DGAT2: variants seen among roughly 807,000 people sequenced by gnomAD.
DGAT2 encodes the protein diacylglycerol O-acyltransferase 2, also known as acyl-CoA retinol O-fatty-acyltransferase.
In DGAT2, 33 loss-of-function variants were observed where a neutral mutation model predicts 48.4. The ratio of observed to expected loss-of-function variants is 0.68; its 90% CI spans 0.52 to 0.91. The LOEUF is 0.91. Ranked by LOEUF, DGAT2 falls within the 40% of genes least tolerant of loss-of-function variation. The probability of loss-of-function intolerance (pLI) is 0.00; values close to 1 mark genes in which losing one functional copy is unlikely to be tolerated. For synonymous variants in DGAT2, 191 were observed against 194.1 expected (o/e 0.98, Z 0.13); for missense variants, 446 against 493.7 (o/e 0.90, Z 0.92).
intron 6 of DGAT2, 42 bp downstream of exon 6, chr11:75,797,374 C>G (rs1945069045): frequency 7.2e-7 from 1 of 1,398,186 alleles, no homozygotes; most frequent in Non-Finnish European, 9.3e-7. Flanking sequence ...TCCAGTGCCC[C>G]TCAGCCCAGG....
At chr11:75,797,030 T>C (rs1945063675) in intron 5 of DGAT2, 128 bp from the exon 6 acceptor site, 2 of 918,642 alleles carry the variant, frequency 2.2e-6, no homozygotes, top group Admixed American at 5.6e-5. Context: ...ACCAGACAAC[T>C]CCAAAGGGGC....
chr11:75,797,457 T>G (rs2135781056), intron 6 of DGAT2, 125 bp downstream of exon 6: 1 of 1,165,362 alleles, frequency 8.6e-7, no homozygotes, highest in South Asian at 2.5e-5. Context: ...AGTCATTCTG[T>G]TAGGGAGGGG....
In DGAT2 at chr11:75,769,029, G is replaced by T; in HGVS notation, c.38G>T (p.Arg13Leu). 2 of 1,577,122 alleles carry T rather than the reference G, an allele frequency of 1.3e-6. No individual in the cohort carries two copies. Among genetic ancestry groups the T allele is most frequent in the South Asian group, 2.3e-5 (2 of 87,632 alleles). The change falls in exon 1 of 8, where the codon CGC (arginine) becomes CTC (leucine). Residue 13 changes from arginine to leucine, a missense_variant. Transcript: ENST00000228027. ...TLIAAYSGVLRGERQAEADRS... is the reference protein window; with the variant it reads ...TLIAAYSGVLLGERQAEADRS... ...ATAGCCGCCTACTCCGGGGTCCTGC[G>T]CGGCGAGCGTCAGGCCGAGGCTGAC...
chr11:75,790,065 C>T lies in DGAT2; in HGVS notation c.251-123C>T, dbSNP rs1565317749. Reference sequence around the variant, plus strand: ...GTAGCTATTTCTCAGGGTTTGTGGGCCCCATGCCCATGGCCCTGGGTGTGC... The same window carrying T: ...GTAGCTATTTCTCAGGGTTTGTGGGTCCCATGCCCATGGCCCTGGGTGTGC... On this transcript the variant is annotated intron_variant, in intron 2 of 7. Coordinates refer to ENST00000228027, the MANE Select transcript of DGAT2 (RefSeq NM_032564.5). 1.6e-5 allele frequency: 12 copies of T among 730,266 alleles called. No homozygotes were observed. In the East Asian group the frequency reaches 2.7e-4, roughly 17 times the overall value. The allele number at this position is 730,266 out of a possible 1,614,324, so 45.2% of individuals were successfully genotyped here.
Position 75,797,265 on chromosome 11 carries a change from A to G in DGAT2, c.742A>G (p.Met248Val). 1.3e-6 allele frequency: 2 copies of G among 1,578,556 alleles called. No individual in the cohort carries two copies. The highest frequency in any genetic ancestry group is 1.2e-5 in the South Asian group (1 of 86,304). The part of the protein sequence containing the change: ...VGGAAESLSS[M>V]PGKNAVTLRN... Reference sequence around the variant, plus strand: ...GGGTGCGGCTGAGTCTCTGAGCTCCATGCCTGGCAAGAATGCAGTCACCCT... The same window carrying G: ...GGGTGCGGCTGAGTCTCTGAGCTCCGTGCCTGGCAAGAATGCAGTCACCCT... The change falls in exon 6 of 8, where the codon ATG (methionine) becomes GTG (valine). Residue 248 changes from methionine (M) to valine (V), a missense_variant. Transcript: ENST00000228027.
Position 75,790,260 on chromosome 11 carries a change from C to T in DGAT2, c.323C>T (p.Thr108Ile). 1.9e-6 allele frequency: 3 copies of T among 1,614,210 alleles called. No individual in the cohort carries two copies. The highest frequency in any genetic ancestry group is 3.3e-5 in the Admixed American group (2 of 60,032). ...TGGCTCATCGCTGTGCTCTACTTCA[C>T]TTGGCTGGTGTTTGACTGGAACACA... ...DCWLIAVLYFTWLVFDWNTPK... is the reference protein window; with the variant it reads ...DCWLIAVLYFIWLVFDWNTPK... The change falls in exon 3 of 8, where the codon ACT becomes ATT. Residue 108 changes from threonine to isoleucine, a missense_variant. By Grantham distance (89) the Thr-to-Ile change is moderately conservative (BLOSUM62 -1). Coordinates refer to ENST00000228027, the MANE Select transcript of DGAT2 (RefSeq NM_032564.5).
intron 1 of DGAT2, among the ~76,000 whole-genome samples, chr11:75,782,562 C>T (rs1331155086): frequency 6.6e-6 from 1 of 152,256 alleles, no homozygotes; most frequent in Non-Finnish European, 1.5e-5. Flanking sequence ...TGTCCAGCCC[C>T]AGCCCTTGGA....
chr11:75,780,408 G>A (rs1043344331), intron 1 of DGAT2, among the ~76,000 whole-genome samples: 4 of 152,158 alleles, frequency 2.6e-5, no homozygotes, highest in Non-Finnish European at 5.9e-5. Flanking sequence ...CAAATACCCT[G>A]ACAGGAGTCC....
intron 7 of DGAT2, among the ~76,000 whole-genome samples, chr11:75,800,005 G>A (rs1945094096): frequency 6.6e-6 from 1 of 152,142 alleles, no homozygotes; most frequent in African/African-American, 2.4e-5. Flanking sequence ...TGAGGAAACT[G>A]AGGGTCAGAG....
At chr11:75,785,945 A>G (rs921469657) in intron 2 of DGAT2, among the ~76,000 whole-genome samples, 1 of 152,260 alleles carries the variant, frequency 6.6e-6, no homozygotes, top group Non-Finnish European at 1.5e-5. Flanking sequence ...TGCATTCCCC[A>G]GGGAGCCCAC....
chr11:75,776,840 T>C (rs1341470114), intron 1 of DGAT2: 1 of 152,284 alleles, frequency 6.6e-6, no homozygotes, highest in Non-Finnish European at 1.5e-5. Context: ...CCAGCCTTGA[T>C]GAAGTGGCAT....
intron 1 of DGAT2, among the ~76,000 whole-genome samples, chr11:75,783,536 C>G (rs1217988118): frequency 6.6e-6 from 1 of 152,208 alleles, no homozygotes; most frequent in African/African-American, 2.4e-5. Flanking sequence ...AAGATTGTGA[C>G]TAACTCATCT....
chr11:75,775,488 A>G (rs1944795392), intron 1 of DGAT2, among the ~76,000 whole-genome samples: 1 of 152,326 alleles, frequency 6.6e-6, no homozygotes, highest in South Asian at 2.1e-4. Flanking sequence ...ATCTTTTCAG[A>G]AAAGAACTCA....
chr11:75,771,980 T>G (rs1944762242), intron 1 of DGAT2, among the ~76,000 whole-genome samples: 1 of 152,134 alleles, frequency 6.6e-6, no homozygotes, highest in Non-Finnish European at 1.5e-5. Flanking sequence ...CACTGGAGTC[T>G]CCAGAAAGAA....
chr11:75,788,067 G>T (rs1455741663), intron 2 of DGAT2, among the ~76,000 whole-genome samples: 1 of 152,124 alleles, frequency 6.6e-6, no homozygotes, highest in African/African-American at 2.4e-5. Flanking sequence ...AGCCCCCTCT[G>T]GTCCTTTTAC....
At chr11:75,785,399 T>C (rs997586548) in intron 2 of DGAT2, among the ~76,000 whole-genome samples, 1 of 152,226 alleles carries the variant, frequency 6.6e-6, no homozygotes, top group Non-Finnish European at 1.5e-5. Context: ...CATCCTCAGC[T>C]GAGCACATTC....
rs1420164514 is a variant in DGAT2 at position 75,768,804 on chromosome 11, C to T, written c.-188C>T. The T allele has an allele frequency of 4.5e-6, 3 of 663,790 alleles. No homozygotes were observed. Among genetic ancestry groups the T allele is most frequent in the Admixed American group, 4.4e-5 (1 of 22,956 alleles). The allele number at this position is 663,790 out of a possible 1,614,324, so 41.1% of individuals were successfully genotyped here. A position where few individuals can be genotyped will look rare whatever the true frequency, so the allele number is the denominator to read the frequency against. ...CCGCGGCTGCCGCCTCTGCTGGGGT[C>T]TAGGCTGTTTCTCTCGCGCCACCAC... On this transcript the variant is annotated 5_prime_UTR_variant, in exon 1 of 8. Transcript: ENST00000228027.
At chr11:75,790,083 G>A (rs184736013) in intron 2 of DGAT2, 105 bp from the exon 3 acceptor site, 3 of 827,352 alleles carry the variant, frequency 3.6e-6, no homozygotes, top group Non-Finnish European at 6.2e-6. Context: ...CCATGGCCCT[G>A]GGTGTGCCTA....
At chr11:75,800,114 C>T (rs1945094834) in intron 7 of DGAT2, among the ~76,000 whole-genome samples, 1 of 152,184 alleles carries the variant, frequency 6.6e-6, no homozygotes, top group East Asian at 1.9e-4. Context: ...TGGGTTCAAC[C>T]AGTCTTGATC....
Sources: allele counts gnomAD v4.1 joint callset (sites outside exome capture counted in the v4.1 genomes callset), GRCh38; gene constraint gnomAD v4.1.1; transcripts MANE v1.5; gene names NCBI Gene and HGNC (gene_info 2026-07-23, HGNC 2026-07-21).